Variants in NTNG1 observed in about 807,000 individuals in gnomAD.
NTNG1 encodes netrin-G1.
A neutral mutation model predicts 54.0 loss-of-function variants in NTNG1; 16 were observed. That is an observed-to-expected ratio of 0.30 (90% CI 0.20 to 0.45). The LOEUF is 0.45. NTNG1 is among the 20% of genes least tolerant of loss of function. The pLI, the probability that NTNG1 is intolerant of heterozygous loss-of-function variation, is 1.00. For missense variants in NTNG1, 530 were observed against 678.7 expected, an observed-to-expected ratio of 0.78 and a Z score of 2.43; for synonymous variants, 255 against 263.1, an observed-to-expected ratio of 0.97 and a Z score of 0.30.
intron 3 of NTNG1, among the ~76,000 whole-genome samples, chr1:107,385,744 C>T (rs1408756212): frequency 6.6e-6 from 1 of 151,904 alleles, no homozygotes; most frequent in East Asian, 1.9e-4. Flanking sequence ...CCTAAAACTT[C>T]CTGCTGCACA....
chr1:107,375,818 G>A (rs1671199329), intron 3 of NTNG1, among the ~76,000 whole-genome samples: 1 of 152,184 alleles, frequency 6.6e-6, no homozygotes, highest in Non-Finnish European at 1.5e-5. Context: ...GACCAGCTCA[G>A]AATCATAGTC....
chr1:107,361,392 T>TACA (rs1553232702), intron 3 of NTNG1, among the ~76,000 whole-genome samples: 1 of 23,446 alleles, frequency 4.3e-5, no homozygotes, highest in African/African-American at 6.9e-5. Context: ...TATATATATA[T>TACA]TTTTTTTTTT....
At chr1:107,349,469 C>T (rs1364191908) in intron 3 of NTNG1, among the ~76,000 whole-genome samples, 1 of 152,074 alleles carries the variant, frequency 6.6e-6, no homozygotes, top group Non-Finnish European at 1.5e-5. Flanking sequence ...AATTACCCAC[C>T]TGTGAACCCA....
chr1:107,179,235 A>G (rs1311839808), intron 2 of NTNG1, among the ~76,000 whole-genome samples: 1 of 152,122 alleles, frequency 6.6e-6, no homozygotes, highest in Non-Finnish European at 1.5e-5. Flanking sequence ...TCTTTTATTC[A>G]TTTATTATTA....
rs115408498 is a variant in NTNG1 at position 107,420,815 on chromosome 1, C to A, written c.1088-9935C>A. Among the ~76,000 whole-genome samples, 1,424 of 152,102 alleles carry A rather than the reference C, an allele frequency of 9.4e-3. 20 individuals carry two copies. The highest frequency in any genetic ancestry group is 0.032 in the African/African-American group (1,316 of 41,530). On this transcript the variant is annotated intron_variant, in intron 5 of 7. Transcript: ENST00000370068. ...CCTACTATCCATATTGTTATGGTAA[C>A]AATCCTTGCTTCACTGGATTCTTGA...
chr1:107,310,725 C>T (rs1666959499), intron 2 of NTNG1, among the ~76,000 whole-genome samples: 1 of 151,838 alleles, frequency 6.6e-6, no homozygotes, highest in African/African-American at 2.4e-5. Context: ...GGGGAAAGAA[C>T]AATGAAATTA....
chr1:107,210,877 C>T (rs943642457), intron 2 of NTNG1, among the ~76,000 whole-genome samples: 2 of 152,066 alleles, frequency 1.3e-5, no homozygotes, highest in Non-Finnish European at 2.9e-5. Flanking sequence ...CTGCAGATGC[C>T]GAGTTTATAA....
intron 2 of NTNG1, among the ~76,000 whole-genome samples, chr1:107,208,430 CA>C (rs5776882): frequency 3.6e-4 from 47 of 130,000 alleles, no homozygotes; most frequent in African/African-American, 1.0e-3. Context: ...AACATCATCT[CA>C]AAAAAAAAAA....
chr1:107,198,957 T>C (rs1658533323), intron 2 of NTNG1, among the ~76,000 whole-genome samples: 1 of 151,892 alleles, frequency 6.6e-6, no homozygotes, highest in African/African-American at 2.4e-5. Context: ...AAATATTTTA[T>C]GCTTCCCATG....
intron 7 of NTNG1, among the ~76,000 whole-genome samples, chr1:107,472,989 G>A (rs10785825): frequency 0.45 from 68,953 of 151,916 alleles, 15,908 homozygotes; most frequent in East Asian, 0.6. Flanking sequence ...AGACCTGAAT[G>A]TAGCCCACAT....
intron 3 of NTNG1, among the ~76,000 whole-genome samples, chr1:107,376,574 C>G (rs1671275162): frequency 6.6e-6 from 1 of 152,206 alleles, no homozygotes; most frequent in Admixed American, 6.5e-5. Context: ...ATCCTACCCA[C>G]TCTGCCGTGC....
At chr1:107,158,576 A>G (rs982721267) in intron 2 of NTNG1, among the ~76,000 whole-genome samples, 4 of 152,168 alleles carry the variant, frequency 2.6e-5, no homozygotes, top group Non-Finnish European at 5.9e-5. Context: ...ATATCTGCAC[A>G]GTGATTTTTC....
At chr1:107,196,381 A>G (rs1658330388) in intron 2 of NTNG1, among the ~76,000 whole-genome samples, 1 of 152,038 alleles carries the variant, frequency 6.6e-6, no homozygotes, top group Non-Finnish European at 1.5e-5. Flanking sequence ...AATAAATAAT[A>G]TAATGTATAT....
chr1:107,400,470 C>T (rs1672951086), intron 4 of NTNG1, among the ~76,000 whole-genome samples: 2 of 152,180 alleles, frequency 1.3e-5, no homozygotes, highest in Admixed American at 1.3e-4. Context: ...TATTATTATC[C>T]TCATTTCACA....
chr1:107,296,219 T>C lies in NTNG1; in HGVS notation c.247-28063T>C, dbSNP rs149251822. Reference sequence around the variant, plus strand: ...AAAGGGAACTTACTGAATTTTCATATGCCTTCAATTAATTCTCCACCTGGA... The same window carrying C: ...AAAGGGAACTTACTGAATTTTCATACGCCTTCAATTAATTCTCCACCTGGA... On this transcript the variant is annotated intron_variant, in intron 2 of 7. Transcript: ENST00000370068. Among the ~76,000 whole-genome samples the C allele has an allele frequency of 2.8e-3, 419 of 152,276 alleles. 2 individuals are homozygous for C. The highest frequency in any genetic ancestry group is 9.8e-3 in the African/African-American group (408 of 41,586).
chr1:107,194,918 A>G (rs1034588476), intron 2 of NTNG1, among the ~76,000 whole-genome samples: 2 of 151,932 alleles, frequency 1.3e-5, no homozygotes, highest in African/African-American at 2.4e-5. Context: ...TTGTAAGAGT[A>G]TTTCTATAGG....
intron 7 of NTNG1, among the ~76,000 whole-genome samples, chr1:107,457,467 T>G (rs1454228821): frequency 1.3e-5 from 2 of 152,194 alleles, no homozygotes; most frequent in African/African-American, 4.8e-5. Context: ...GATTGTGTGA[T>G]TATGCTCAAT....
intron 3 of NTNG1, among the ~76,000 whole-genome samples, chr1:107,359,395 T>C (rs558014961): frequency 5.3e-5 from 8 of 152,232 alleles, no homozygotes; most frequent in Non-Finnish European, 1.0e-4. Context: ...AGTTAAGATA[T>C]CAGAGAATCA....
chr1:107,466,360 C>A (rs1364032779), intron 7 of NTNG1, among the ~76,000 whole-genome samples: 22 of 152,150 alleles, frequency 1.4e-4, no homozygotes, highest in Admixed American at 1.4e-3. Context: ...TTCATTTATT[C>A]ATTCACTCAA....
Sources: allele counts gnomAD v4.1 joint callset (sites outside exome capture counted in the v4.1 genomes callset), GRCh38; gene constraint gnomAD v4.1.1; transcripts MANE v1.5; gene names NCBI Gene and HGNC (gene_info 2026-07-23, HGNC 2026-07-21).